The following RFTN1 variants were observed in gnomAD, a reference collection of about 807,000 sequenced individuals.
RFTN1 encodes the protein raftlin, lipid raft linker 1, also known as raftlin.
Under a neutral mutation model 46.5 loss-of-function variants are expected in RFTN1, and 26 were observed. That is an observed-to-expected ratio of 0.56 (90% CI 0.41 to 0.78). RFTN1 has a LOEUF of 0.78. RFTN1 is among the 30% of genes least tolerant of loss of function. The pLI is 0.00. For synonymous variants in RFTN1, 261 were observed against 284.2 expected (o/e 0.92, Z 0.82); for missense variants, 693 against 718.7 (o/e 0.96, Z 0.41).
Position 16,483,526 on chromosome 3 carries a change from G to A in RFTN1, c.145+10199C>T, listed in dbSNP as rs2076400973. On this transcript the variant is annotated intron_variant, in intron 2 of 9. Coordinates refer to ENST00000334133, the MANE Select transcript of RFTN1 (RefSeq NM_015150.2). The surrounding 1 kb of genome is among the most constrained non-coding windows in gnomAD (Gnocchi z 4.8). Reference sequence around the variant, plus strand: ...CACCAAGACTGACTTAATGGGTCTGGTGTGCAGCTGGGCATGGGAACTTTT... The same window carrying A: ...CACCAAGACTGACTTAATGGGTCTGATGTGCAGCTGGGCATGGGAACTTTT... Among the ~76,000 whole-genome samples, 4 of 152,170 alleles carry A rather than the reference G, an allele frequency of 2.6e-5. No homozygotes were observed. In the South Asian group the frequency reaches 8.3e-4, roughly 32 times the overall value.
At position 16,499,929 on chromosome 3, in the gene RFTN1, G is replaced by A. The variant is rs551497654; in HGVS notation, c.-8-6052C>T. 6.6e-6 allele frequency among the ~76,000 whole-genome samples: 1 copy of A among 152,302 alleles called. No individual in the cohort carries two copies. Among genetic ancestry groups the A allele is most frequent in the Non-Finnish European group, 1.5e-5 (1 of 68,020 alleles). ...GTTGGGTTATATGATAAGTGCAGGAGCCCTGTTAATGAAAAAATGCTTCTC... is the reference window on the plus strand; with the variant it reads ...GTTGGGTTATATGATAAGTGCAGGAACCCTGTTAATGAAAAAATGCTTCTC... On this transcript the variant is annotated intron_variant, in intron 1 of 9. Transcript: ENST00000334133. This position sits in a 1 kb window ranked among gnomAD's most constrained non-coding sequence, Gnocchi z 4.9.
chr3:16,410,212 T>TACACACACACAC lies in RFTN1; in HGVS notation c.333-741_333-730dup, dbSNP rs66657696. On this transcript the variant is annotated intron_variant, in intron 3 of 9. Transcript: ENST00000334133. The surrounding 1 kb of genome is among the most constrained non-coding windows in gnomAD (Gnocchi z 4.6). The stretch of plus-strand genomic sequence containing the variant: ...TTGGTACAATACAGCTTACATGTTA[T>TACACACACACAC]ACACACACACACACACACACACACA... Among the ~76,000 whole-genome samples, 6 of 141,320 alleles carry TACACACACACAC rather than the reference T, an allele frequency of 4.2e-5. No homozygotes were observed. Among genetic ancestry groups the TACACACACACAC allele is most frequent in the Non-Finnish European group, 6.1e-5 (4 of 65,550 alleles). 92.7% of individuals were successfully genotyped at this position (141,320 alleles called of 152,430 possible).
At chr3:16,482,881 G>A (rs906520524) in intron 2 of RFTN1, 23 of 1,511,306 alleles carry the variant, frequency 1.5e-5, no homozygotes, top group East Asian at 1.2e-4. Flanking sequence ...GCCTCCCACC[G>A]GGGTGAGCTT....
In RFTN1 at chr3:16,346,867, G is replaced by A. The variant is rs2071755767; in HGVS notation, c.1146+11065C>T. On this transcript the variant is annotated intron_variant, in intron 7 of 9. Coordinates refer to ENST00000334133, the MANE Select transcript of RFTN1 (RefSeq NM_015150.2). This position sits in a 1 kb window ranked among gnomAD's most constrained non-coding sequence, Gnocchi z 4.4. Reference sequence around the variant, plus strand: ...GGCTGAGGATGAGTACAGAAAGATGGCAACATCTGGATCCCTGGTGGCATC... The same window carrying A: ...GGCTGAGGATGAGTACAGAAAGATGACAACATCTGGATCCCTGGTGGCATC... Among the ~76,000 whole-genome samples, 1 of 152,136 alleles carries A rather than the reference G, an allele frequency of 6.6e-6. No homozygotes were observed. The highest frequency in any genetic ancestry group is 1.5e-5 in the Non-Finnish European group (1 of 68,022).
chr3:16,486,264 G>A (rs2076444948), intron 2 of RFTN1, among the ~76,000 whole-genome samples: 1 of 148,660 alleles, frequency 6.7e-6, no homozygotes, highest in South Asian at 2.1e-4. Context: ...CCCCAGCATT[G>A]CCCCTTCCAT....
chr3:16,321,999 A>G lies in RFTN1; in HGVS notation c.1332+1377T>C, dbSNP rs761987851. Among the ~76,000 whole-genome samples, 17 of 152,188 alleles carry G rather than the reference A, an allele frequency of 1.1e-4. No individual in the cohort carries two copies. The highest frequency in any genetic ancestry group is 4.6e-4 in the Admixed American group (7 of 15,286). On this transcript the variant is annotated intron_variant, in intron 9 of 9. Transcript: ENST00000334133. This position sits in a 1 kb window ranked among gnomAD's most constrained non-coding sequence, Gnocchi z 4.8. ...GAACCTGTTAGGCAAAGGTGGCACC[A>G]TCTCCCTCTGTAAGGCTGCAGCGGG... is the stretch of plus-strand genomic sequence containing the variant.
At chr3:16,332,169 T>C (rs994039128) in intron 7 of RFTN1, among the ~76,000 whole-genome samples, 2 of 152,082 alleles carry the variant, frequency 1.3e-5, no homozygotes, top group South Asian at 2.1e-4. Context: ...TTCTGAAAAA[T>C]GTATTTTTCC....
In RFTN1 at chr3:16,429,828, T is replaced by C. The variant is rs1346087788; in HGVS notation, c.332+4023A>G. On this transcript the variant is annotated intron_variant, in intron 3 of 9. Transcript: ENST00000334133. This position sits in a 1 kb window ranked among gnomAD's most constrained non-coding sequence, Gnocchi z 6.4. Reference sequence around the variant, plus strand: ...ATCGAAGTTTCACAGAGTCATCTCATGGTGATTCTTGGTAATGAAGTTCAC... The same window carrying C: ...ATCGAAGTTTCACAGAGTCATCTCACGGTGATTCTTGGTAATGAAGTTCAC... Among the ~76,000 whole-genome samples, 2 of 152,238 alleles carry C rather than the reference T, an allele frequency of 1.3e-5. No individual in the cohort carries two copies. The highest frequency in any genetic ancestry group is 2.9e-5 in the Non-Finnish European group (2 of 68,030).
Position 16,344,112 on chromosome 3 carries a change from A to G in RFTN1, c.1146+13820T>C, listed in dbSNP as rs1222522391. Among the ~76,000 whole-genome samples, 1 of 152,166 alleles carries G rather than the reference A, an allele frequency of 6.6e-6. No individual in the cohort carries two copies. The highest frequency in any genetic ancestry group is 1.5e-5 in the Non-Finnish European group (1 of 68,042). On this transcript the variant is annotated intron_variant, in intron 7 of 9. Coordinates refer to ENST00000334133, the MANE Select transcript of RFTN1 (RefSeq NM_015150.2). The surrounding 1 kb of genome is among the most constrained non-coding windows in gnomAD (Gnocchi z 4.4). Reference sequence around the variant, plus strand: ...TCTTGGCCTGTATTAACTCTTTTTCATTGGAATTGCTGTCAAATCAGGTAT... The same window carrying G: ...TCTTGGCCTGTATTAACTCTTTTTCGTTGGAATTGCTGTCAAATCAGGTAT...
intron 2 of RFTN1, among the ~76,000 whole-genome samples, chr3:16,488,332 C>T (rs1363377205): frequency 6.6e-6 from 1 of 152,174 alleles, no homozygotes; most frequent in African/African-American, 2.4e-5. Flanking sequence ...CTCCTGACCT[C>T]AGGTGATCCC....
At position 16,499,861 on chromosome 3, in the gene RFTN1, A is replaced by G. The variant is rs543193934; in HGVS notation, c.-8-5984T>C. On this transcript the variant is annotated intron_variant, in intron 1 of 9. Coordinates refer to ENST00000334133, the MANE Select transcript of RFTN1 (RefSeq NM_015150.2). The surrounding 1 kb of genome is among the most constrained non-coding windows in gnomAD (Gnocchi z 4.9). ...TTTGTGTAGAGGTTTTTATATGGAC[A>G]TAAGTTTTCACTTCTCTAGGGTAAA... 8.6e-4 allele frequency among the ~76,000 whole-genome samples: 131 copies of G among 152,354 alleles called. No individual in the cohort carries two copies. The highest frequency in any genetic ancestry group is 3.1e-3 in the African/African-American group (127 of 41,586).
In RFTN1 at chr3:16,316,902, A is replaced by C. The variant is rs753884494; in HGVS notation, c.1663T>G (p.Ser555Ala). The C allele has an allele frequency of 6.2e-7, 1 of 1,614,096 alleles. No individual in the cohort carries two copies. The highest frequency in any genetic ancestry group is 2.2e-5 in the East Asian group (1 of 44,846). Reference protein sequence around the residue: ...RALVGICTGHSNPGEDARDGD... With the variant: ...RALVGICTGHANPGEDARDGD... ...TCCCTGGCATCCTCTCCAGGATTGG[A>C]GTGCCCAGTGCAAATCCCCACCAGG... Residue 555 changes from serine (S) to alanine (A), a missense_variant, in exon 10 of 10, where the codon TCC becomes GCC. Transcript: ENST00000334133. The surrounding 1 kb of genome is among the most constrained non-coding windows in gnomAD (Gnocchi z 4.5).
chr3:16,469,828 A>G (rs1447636887), intron 2 of RFTN1, among the ~76,000 whole-genome samples: 4 of 152,186 alleles, frequency 2.6e-5, no homozygotes, highest in Non-Finnish European at 4.4e-5. Context: ...TAGGACAAAC[A>G]ATCACAGCAA....
rs141815354 is a variant in RFTN1, at chr3:16,499,138, C to T, written c.-8-5261G>A. On this transcript the variant is annotated intron_variant, in intron 1 of 9. Transcript: ENST00000334133. This position sits in a 1 kb window ranked among gnomAD's most constrained non-coding sequence, Gnocchi z 4.9. ...TTCAGGGAGTGTCTCAGTAGAAGGA[C>T]ATCTCTCACATGGGTCAAAGTCTCT... Among the ~76,000 whole-genome samples, 448 of 152,300 alleles carry T rather than the reference C, an allele frequency of 2.9e-3. 6 individuals are homozygous for T. The highest frequency in any genetic ancestry group is 9.8e-3 in the African/African-American group (407 of 41,560).
chr3:16,379,539 A>T (rs1410934186), intron 4 of RFTN1, among the ~76,000 whole-genome samples: 1 of 152,258 alleles, frequency 6.6e-6, no homozygotes, highest in African/African-American at 2.4e-5. Context: ...ACAAGCAGTG[A>T]GTAGCCAGAG....
In RFTN1 at chr3:16,452,301, T is replaced by C. The variant is rs1002232090; in HGVS notation, c.146-18264A>G. On this transcript the variant is annotated intron_variant, in intron 2 of 9. Coordinates refer to ENST00000334133, the MANE Select transcript of RFTN1 (RefSeq NM_015150.2). This position sits in a 1 kb window ranked among gnomAD's most constrained non-coding sequence, Gnocchi z 6.3. ...AAAAAATAATAGCTGTCAAGGTAGATGAAGGTAAGGATATAATAGAAGGCG... is the reference window on the plus strand; with the variant it reads ...AAAAAATAATAGCTGTCAAGGTAGACGAAGGTAAGGATATAATAGAAGGCG... Among the ~76,000 whole-genome samples the C allele has an allele frequency of 6.6e-6, 1 of 151,810 alleles. No individual in the cohort carries two copies. Among genetic ancestry groups the C allele is most frequent in the African/African-American group, 2.4e-5 (1 of 41,166 alleles).
intron 2 of RFTN1, among the ~76,000 whole-genome samples, chr3:16,488,878 T>C (rs1037648283): frequency 2.2e-4 from 33 of 152,218 alleles, no homozygotes; most frequent in African/African-American, 7.5e-4. Flanking sequence ...CAAAGATGAA[T>C]GTTCATAGCA....
chr3:16,318,305 G>T (rs373236062), intron 9 of RFTN1, among the ~76,000 whole-genome samples: 48 of 152,208 alleles, frequency 3.2e-4, no homozygotes, highest in East Asian at 2.7e-3. Flanking sequence ...TATCTCATTG[G>T]TTTCACCAAA....
At chr3:16,456,558 C>T (rs1452498277) in intron 2 of RFTN1, among the ~76,000 whole-genome samples, 1 of 152,142 alleles carries the variant, frequency 6.6e-6, no homozygotes, top group East Asian at 1.9e-4. Flanking sequence ...CTCCGCTGAC[C>T]AAACTCTTAG....
Sources: allele counts gnomAD v4.1 joint callset (sites outside exome capture counted in the v4.1 genomes callset), GRCh38; gene constraint gnomAD v4.1.1; non-coding constraint Gnocchi (gnomAD v3.1); transcripts MANE v1.5; gene names NCBI Gene and HGNC (gene_info 2026-07-23, HGNC 2026-07-21).